The following FMNL2 variants were observed in gnomAD, a reference collection of about 807,000 sequenced individuals.
FMNL2 encodes formin like 2.
Under a neutral mutation model 130.2 loss-of-function variants are expected in FMNL2, and 51 were observed. That is an observed-to-expected ratio of 0.39 (90% CI 0.31 to 0.49). The LOEUF (loss-of-function observed/expected upper bound fraction) is 0.49. Ranked by LOEUF, FMNL2 falls within the 20% of genes least tolerant of loss-of-function variation. The probability of loss-of-function intolerance (pLI) is 0.85; values close to 1 mark genes in which losing one functional copy is unlikely to be tolerated. For missense variants in FMNL2, 977 were observed against 1,316.2 expected, an observed-to-expected ratio of 0.74 and a Z score of 3.99; for synonymous variants, 465 against 467.1, an observed-to-expected ratio of 1.00 and a Z score of 0.06.
chr2:152,597,609 C>G (rs570848408), intron 9 of FMNL2, among the ~76,000 whole-genome samples: 17 of 152,328 alleles, frequency 1.1e-4, no homozygotes, highest in African/African-American at 3.8e-4. Context: ...TTGATGCATG[C>G]TATGGCACTG....
intron 1 of FMNL2, among the ~76,000 whole-genome samples, chr2:152,516,629 T>C (rs906484510): frequency 2.0e-5 from 3 of 152,206 alleles, no homozygotes; most frequent in African/African-American, 4.8e-5. Context: ...TCCATATCAC[T>C]GTGGGTTTCT....
At chr2:152,387,585 G>A (rs1558818093) in intron 1 of FMNL2, among the ~76,000 whole-genome samples, 1 of 152,134 alleles carries the variant, frequency 6.6e-6, no homozygotes, top group Non-Finnish European at 1.5e-5. Flanking sequence ...AGTAGCTGAG[G>A]TTCAGTTCAT....
chr2:152,504,805 C>T (rs1215662681), intron 1 of FMNL2, among the ~76,000 whole-genome samples: 4 of 152,122 alleles, frequency 2.6e-5, no homozygotes, highest in African/African-American at 4.8e-5. Context: ...TGAATCATTA[C>T]TGTCAGGCGG....
intron 1 of FMNL2, among the ~76,000 whole-genome samples, chr2:152,444,783 A>C (rs1434488328): frequency 6.6e-6 from 1 of 152,224 alleles, no homozygotes; most frequent in Admixed American, 6.5e-5. Context: ...TTGAATGTTC[A>C]GCAAGCCTAT....
At chr2:152,582,309 C>G (rs1696835920) in intron 9 of FMNL2, among the ~76,000 whole-genome samples, 1 of 152,194 alleles carries the variant, frequency 6.6e-6, no homozygotes, top group Non-Finnish European at 1.5e-5. Flanking sequence ...TACTGCCCAG[C>G]TGCCAAATGT....
intron 1 of FMNL2, among the ~76,000 whole-genome samples, chr2:152,404,652 T>C (rs1303394385): frequency 6.6e-6 from 1 of 152,108 alleles, no homozygotes; most frequent in Non-Finnish European, 1.5e-5. Flanking sequence ...TAATCAAAAA[T>C]TGGTGGTGGT....
rs772556270 is a variant in FMNL2 at position 152,503,144 on chromosome 2, C to T, written c.118-18799C>T. Among the ~76,000 whole-genome samples the T allele has an allele frequency of 7.9e-5, 12 of 152,276 alleles. 1 individual carries two copies. Among genetic ancestry groups the T allele is most frequent in the Non-Finnish European group, 7.4e-5 (5 of 68,024 alleles). On this transcript the variant is annotated intron_variant, in intron 1 of 25. Coordinates refer to ENST00000288670, the MANE Select transcript of FMNL2 (RefSeq NM_052905.4). ...AGGCAGACTTTATTTAGTACCATCA[C>T]GATAGGCGTAGGGACCACTGCAGTG...
Position 152,618,944 on chromosome 2 carries a change from G to T in FMNL2, c.1413G>T (p.Lys471Asn), listed in dbSNP as rs768097912. The change falls in exon 14 of 26, where the codon AAG becomes AAT. Residue 471 changes from lysine to asparagine, a missense_variant. By Grantham distance (94) the Lys-to-Asn change is moderately conservative. Around this residue, in one of 4 missense-constraint regions of FMNL2, gnomAD observed 689 missense variants for 995.9 expected, o/e 0.69. Transcript: ENST00000288670. ...AIQRQSTLEK[K>N]IHELEKQGTI... ...AAAGACAGTCTACCCTGGAAAAAAA[G>T]ATTCATGAGCTAGAGAAACAAGGGA... The T allele has an allele frequency of 1.2e-5, 20 of 1,614,038 alleles. No individual in the cohort carries two copies. The highest frequency in any genetic ancestry group is 1.4e-5 in the Non-Finnish European group (17 of 1,179,890).
Position 152,459,937 on chromosome 2 carries a change from T to C in FMNL2, c.118-62006T>C, listed in dbSNP as rs564546164. Among the ~76,000 whole-genome samples the C allele has an allele frequency of 1.2e-3, 182 of 152,330 alleles. 1 individual carries two copies. Among genetic ancestry groups the C allele is most frequent in the African/African-American group, 4.1e-3 (172 of 41,578 alleles). On this transcript the variant is annotated intron_variant, in intron 1 of 25. Coordinates refer to ENST00000288670, the MANE Select transcript of FMNL2 (RefSeq NM_052905.4). ...GTTTTAGAAATCACCAAAATTTTCG[T>C]TTGAGTCCCTAGTCACCAAATAAAC...
chr2:152,554,286 AG>A (rs1314103253), intron 4 of FMNL2, among the ~76,000 whole-genome samples: 1 of 152,130 alleles, frequency 6.6e-6, no homozygotes, highest in Non-Finnish European at 1.5e-5. Flanking sequence ...ATGATCCTGG[AG>A]TCCCAGCTAC....
intron 1 of FMNL2, among the ~76,000 whole-genome samples, chr2:152,400,691 C>A (rs936685380): frequency 1.4e-4 from 22 of 152,148 alleles, no homozygotes; most frequent in Non-Finnish European, 2.9e-4. Flanking sequence ...GACCAGATAA[C>A]TGTTATGTCA....
chr2:152,510,835 A>G (rs1692462263), intron 1 of FMNL2, among the ~76,000 whole-genome samples: 1 of 152,170 alleles, frequency 6.6e-6, no homozygotes. Context: ...TTGTCTGGAG[A>G]GACACTGTGG....
chr2:152,540,405 G>T (rs1178186702), intron 2 of FMNL2, among the ~76,000 whole-genome samples: 1 of 152,060 alleles, frequency 6.6e-6, no homozygotes, highest in Non-Finnish European at 1.5e-5. Context: ...CTTAGAAATT[G>T]CTCTCGAGAT....
chr2:152,338,721 T>C lies in FMNL2; in HGVS notation c.117+3001T>C, dbSNP rs567391146. 1.2e-4 allele frequency among the ~76,000 whole-genome samples: 18 copies of C among 152,222 alleles called. No homozygotes were observed. In the South Asian group the frequency reaches 2.5e-3, roughly 21 times the overall value. ...TTCAGTATCATTATAGTAATAGTTA[T>C]AAAACTTACATTTAAGGGAAAAAAT... On this transcript the variant is annotated intron_variant, in intron 1 of 25. Coordinates refer to ENST00000288670, the MANE Select transcript of FMNL2 (RefSeq NM_052905.4).
At chr2:152,359,481 C>CTTT (rs10694393) in intron 1 of FMNL2, among the ~76,000 whole-genome samples, 2 of 73,056 alleles carry the variant, frequency 2.7e-5, no homozygotes. Context: ...AAGAGGTAGC[C>CTTT]TTTTTTTTTT....
At chr2:152,518,544 G>A (rs968415465) in intron 1 of FMNL2, among the ~76,000 whole-genome samples, 2 of 152,072 alleles carry the variant, frequency 1.3e-5, no homozygotes, top group Non-Finnish European at 2.9e-5. Context: ...GGCCTAAACA[G>A]GGTCATTTAT....
intron 10 of FMNL2, among the ~76,000 whole-genome samples, chr2:152,609,766 T>G (rs1399980350): frequency 6.6e-6 from 1 of 152,168 alleles, no homozygotes; most frequent in Non-Finnish European, 1.5e-5. Flanking sequence ...TAAAAAAATT[T>G]TTTAAAAGAT....
chr2:152,420,872 C>T (rs1237731955), intron 1 of FMNL2, among the ~76,000 whole-genome samples: 1 of 152,132 alleles, frequency 6.6e-6, no homozygotes, highest in Non-Finnish European at 1.5e-5. Flanking sequence ...GTTGTAGAAG[C>T]ATCATGAAAT....
chr2:152,614,970 G>A lies in FMNL2; in HGVS notation c.1182G>A (p.Arg394=), dbSNP rs201073201. The A allele has an allele frequency of 4.7e-5, 75 of 1,611,696 alleles. No individual in the cohort carries two copies. Among genetic ancestry groups the A allele is most frequent in the Non-Finnish European group, 6.4e-5 (75 of 1,179,388 alleles). The change falls in exon 12 of 26, where the codon AGG becomes AGA. Residue 394 remains arginine (R), a synonymous_variant. Coordinates refer to ENST00000288670, the MANE Select transcript of FMNL2 (RefSeq NM_052905.4). Reference sequence around the variant, plus strand: ...AAACTAAGAATGCTGCCTTGGAGAGGGTGGAAGAACTGGAAGAAAACATTT... The same window carrying A: ...AAACTAAGAATGCTGCCTTGGAGAGAGTGGAAGAACTGGAAGAAAACATTT... ...DAETKNAALE[R]VEELEENISH...
Sources: allele counts gnomAD v4.1 joint callset (sites outside exome capture counted in the v4.1 genomes callset), GRCh38; gene constraint gnomAD v4.1.1; regional missense constraint gnomAD v4.1.1; transcripts MANE v1.5; gene names NCBI Gene and HGNC (gene_info 2026-07-23, HGNC 2026-07-21).